ACAP2: variants seen among roughly 807,000 people sequenced by gnomAD.
ACAP2 encodes ArfGAP with coiled-coil, ankyrin repeat and PH domains 2, also known as arf-GAP with coiled-coil, ANK repeat and PH domain-containing protein 2.
ACAP2 carries 39 observed loss-of-function variants against 115.8 expected under a neutral mutation model. The observed-to-expected ratio is 0.34, with a 90% CI of 0.26 to 0.44. The LOEUF is 0.44. Among genes scored for constraint, ACAP2 ranks in the 20% least tolerant of loss-of-function variants. The pLI is 1.00. For missense variants in ACAP2, 662 were observed against 927.6 expected (o/e 0.71, Z 3.72); for synonymous variants, 289 against 315.8 (o/e 0.92, Z 0.90).
chr3:195,288,802 G>C (rs1727037502), intron 21 of ACAP2, among the ~76,000 whole-genome samples: 1 of 152,098 alleles, frequency 6.6e-6, no homozygotes, highest in South Asian at 2.1e-4. Flanking sequence ...AGGTTGCAGG[G>C]AGCCGGTGCA....
At chr3:195,416,340 G>A (rs1248018232) in intron 1 of ACAP2, among the ~76,000 whole-genome samples, 11 of 145,960 alleles carry the variant, frequency 7.5e-5, no homozygotes, top group South Asian at 2.2e-4. Flanking sequence ...GCAAGACGCC[G>A]TCAAAAAAAA....
chr3:195,393,649 A>C (rs1413290541), intron 1 of ACAP2, among the ~76,000 whole-genome samples: 1 of 152,230 alleles, frequency 6.6e-6, no homozygotes, highest in Non-Finnish European at 1.5e-5. Flanking sequence ...TTTTTCATTC[A>C]CATCAGTCCT....
intron 7 of ACAP2, 25 bp from the exon 8 acceptor site, chr3:195,333,148 T>A (rs748439107): frequency 7.7e-7 from 1 of 1,297,238 alleles, no homozygotes; most frequent in Non-Finnish European, 1.1e-6. Context: ...AAGATGACCA[T>A]TTTAAAATCT....
intron 13 of ACAP2, among the ~76,000 whole-genome samples, chr3:195,303,543 T>C (rs1255862203): frequency 6.6e-6 from 1 of 151,638 alleles, no homozygotes; most frequent in African/African-American, 2.4e-5. Context: ...GCCAAGATCA[T>C]GACACCGTAC....
intron 1 of ACAP2, among the ~76,000 whole-genome samples, chr3:195,420,174 T>C (rs1714063370): frequency 6.6e-6 from 1 of 152,192 alleles, no homozygotes; most frequent in Non-Finnish European, 1.5e-5. Context: ...ATAAATTTTA[T>C]GTTAATTTCA....
Position 195,275,419 on chromosome 3 carries a change from ATGTT to A in ACAP2, c.*3905_*3908del, listed in dbSNP as rs1446556887. 2 of 152,234 alleles carry A rather than the reference ATGTT, an allele frequency of 1.3e-5. No individual in the cohort carries two copies. The highest frequency in any genetic ancestry group is 2.4e-5 in the African/African-American group (1 of 41,466). The allele number at this position is 152,234 out of a possible 1,614,324, so 9.4% of individuals were successfully genotyped here. ...CTTTTATAATGTTTTGCTTTCATTA[ATGTT>A]TGTTATTGCAAAAATGTAAGATTTC... On this transcript the variant is annotated 3_prime_UTR_variant, in exon 23 of 23. Transcript: ENST00000326793.
chr3:195,300,604 T>C (rs1383394921), intron 15 of ACAP2, among the ~76,000 whole-genome samples: 1 of 152,228 alleles, frequency 6.6e-6, no homozygotes, highest in Non-Finnish European at 1.5e-5. Flanking sequence ...AATCATCGTA[T>C]GCTGAAACAA....
At chr3:195,370,386 G>A (rs1020351060) in intron 4 of ACAP2, among the ~76,000 whole-genome samples, 16 of 152,038 alleles carry the variant, frequency 1.1e-4, no homozygotes, top group African/African-American at 3.6e-4. Context: ...TTTTACACTC[G>A]AGTCTTTAAT....
chr3:195,331,778 A>G (rs1730184029), intron 8 of ACAP2, among the ~76,000 whole-genome samples: 1 of 152,196 alleles, frequency 6.6e-6, no homozygotes, highest in South Asian at 2.1e-4. Flanking sequence ...CAGATATGAA[A>G]AAATAATTTG....
At chr3:195,281,176 C>T (rs369665665) in intron 22 of ACAP2, among the ~76,000 whole-genome samples, 54 of 152,202 alleles carry the variant, frequency 3.5e-4, no homozygotes, top group African/African-American at 1.2e-3. Context: ...GAGGCCGAGA[C>T]GGGCGGATCA....
At chr3:195,319,164 T>C (rs1413357796) in intron 10 of ACAP2, among the ~76,000 whole-genome samples, 1 of 152,200 alleles carries the variant, frequency 6.6e-6, no homozygotes, top group Non-Finnish European at 1.5e-5. Context: ...GACGAGAATT[T>C]AGGTTTGGGA....
At chr3:195,395,023 G>T (rs1440878768) in intron 1 of ACAP2, among the ~76,000 whole-genome samples, 1 of 144,762 alleles carries the variant, frequency 6.9e-6, no homozygotes, top group Non-Finnish European at 1.5e-5. Context: ...ATTCGCAGAT[G>T]AATAGATGAC....
chr3:195,318,447 C>T (rs190522758), intron 10 of ACAP2, among the ~76,000 whole-genome samples: 95 of 152,246 alleles, frequency 6.2e-4, no homozygotes, highest in East Asian at 3.7e-3. Context: ...AATGCTGATA[C>T]GGATATGGAC....
At position 195,408,907 on chromosome 3, in the gene ACAP2, A is replaced by G. The variant is rs137874216; in HGVS notation, c.54-16760T>C. ...TACTGACAAAATTCTTTTTTTCATG[A>G]TAAAAACACTTAACAAAAAGGAATA... On this transcript the variant is annotated intron_variant, in intron 1 of 22. Coordinates refer to ENST00000326793, the MANE Select transcript of ACAP2 (RefSeq NM_012287.6). 6.1e-3 allele frequency among the ~76,000 whole-genome samples: 923 copies of G among 152,290 alleles called. 9 individuals carry two copies. Among genetic ancestry groups the G allele is most frequent in the African/African-American group, 0.021 (880 of 41,580 alleles).
intron 17 of ACAP2, chr3:195,295,390 A>G (rs949292688): frequency 4.4e-6 from 3 of 685,978 alleles, no homozygotes; most frequent in Non-Finnish European, 6.6e-6. Context: ...ATTTAGGAGG[A>G]AAAAATAGGA....
chr3:195,417,600 T>C (rs1433413765), intron 1 of ACAP2, among the ~76,000 whole-genome samples: 3 of 152,188 alleles, frequency 2.0e-5, no homozygotes, highest in Admixed American at 2.0e-4. Flanking sequence ...ATGAAGTTAA[T>C]GACGTCGACA....
At chr3:195,381,294 C>T (rs41266981) in intron 3 of ACAP2, among the ~76,000 whole-genome samples, 3,229 of 152,198 alleles carry the variant, frequency 0.021, 112 homozygotes, top group East Asian at 0.097. Flanking sequence ...GCCCCTTCAA[C>T]GGTATTATGC....
intron 2 of ACAP2, among the ~76,000 whole-genome samples, chr3:195,386,619 A>T (rs1734321043): frequency 6.6e-6 from 1 of 152,100 alleles, no homozygotes; most frequent in Admixed American, 6.6e-5. Flanking sequence ...AGGGAGGGGA[A>T]CATTACACAG....
At chr3:195,360,627 T>C (rs1249137915) in intron 4 of ACAP2, among the ~76,000 whole-genome samples, 2 of 152,080 alleles carry the variant, frequency 1.3e-5, no homozygotes, top group Non-Finnish European at 2.9e-5. Flanking sequence ...AAACCCCATT[T>C]CTACTAAAAA....
Sources: gnomAD v4.1 joint callset for allele counts (sites outside exome capture counted in the v4.1 genomes callset) on GRCh38, gnomAD v4.1.1 for gene constraint, MANE v1.5 for transcripts, NCBI Gene and HGNC (gene_info 2026-07-23, HGNC 2026-07-21) for gene names.